Variants in SPTLC2 observed in about 807,000 individuals in gnomAD.
The protein encoded by SPTLC2 is serine palmitoyltransferase 2.
SPTLC2 carries 21 observed loss-of-function variants against 62.0 expected under a neutral mutation model. That is an observed-to-expected ratio of 0.34 (90% CI 0.24 to 0.49). SPTLC2 has a LOEUF of 0.49. Among genes scored for constraint, SPTLC2 ranks in the 20% least tolerant of loss-of-function variants. SPTLC2 has a pLI of 0.99. For missense variants in SPTLC2, 511 were observed against 713.0 expected (o/e 0.72, Z 3.23); for synonymous variants, 261 against 261.8 (o/e 1.00, Z 0.03).
intron 11 of SPTLC2, among the ~76,000 whole-genome samples, chr14:77,513,393 G>GA (rs2079342784): frequency 6.6e-6 from 1 of 152,056 alleles, no homozygotes; most frequent in South Asian, 2.1e-4. Context: ...TGTAGCACAA[G>GA]AAAAAATATT....
At chr14:77,596,011 G>A (rs891946892) in intron 2 of SPTLC2, among the ~76,000 whole-genome samples, 10 of 152,078 alleles carry the variant, frequency 6.6e-5, no homozygotes, top group Non-Finnish European at 1.2e-4. Context: ...TACAACTCCA[G>A]AAGTGAGCTT....
Position 77,557,055 on chromosome 14 carries a change from C to T in SPTLC2, c.942G>A (p.Val314=). The T allele has an allele frequency of 6.2e-7, 1 of 1,613,840 alleles. No homozygotes were observed. Among genetic ancestry groups the T allele is most frequent in the Non-Finnish European group, 8.5e-7 (1 of 1,179,896 alleles). ...AGCAGGATTACCTATATATTCCTTC[C>T]ACAAGGATGAGAATTTTCTTCCAGG... ...RRPWKKILIL[V]EGIYSMEGSI... Residue 314 remains valine, a synonymous_variant, in exon 7 of 12, where the codon GTG becomes GTA. Transcript: ENST00000216484.
In SPTLC2 at chr14:77,506,102, T is replaced by C. The variant is rs2079303555; in HGVS notation, c.*6182A>G. The C allele has an allele frequency of 6.6e-6, 1 of 152,082 alleles. No individual in the cohort carries two copies. Among genetic ancestry groups the C allele is most frequent in the Non-Finnish European group, 1.5e-5 (1 of 68,012 alleles). The allele number at this position is 152,082 out of a possible 1,614,324, so 9.4% of individuals were successfully genotyped here. A position where few individuals can be genotyped will look rare whatever the true frequency, so the allele number is the denominator to read the frequency against. ...CAGTTCTTAACATGCACTCTCAAAA[T>C]CAACACACCTACCCCAACCCAATAC... On this transcript the variant is annotated 3_prime_UTR_variant, in exon 12 of 12. Transcript: ENST00000216484.
chr14:77,530,953 A>G (rs1274671158), intron 9 of SPTLC2, among the ~76,000 whole-genome samples: 1 of 152,230 alleles, frequency 6.6e-6, no homozygotes, highest in Non-Finnish European at 1.5e-5. Flanking sequence ...GTTGAGACTC[A>G]TCTACCTACT....
chr14:77,556,197 C>A (rs1473558063), intron 7 of SPTLC2, among the ~76,000 whole-genome samples: 1 of 152,032 alleles, frequency 6.6e-6, no homozygotes, highest in Non-Finnish European at 1.5e-5. Flanking sequence ...GTGGCACACA[C>A]CTGTAATCCC....
At chr14:77,589,805 A>ACACG (rs1301474307) in intron 2 of SPTLC2, among the ~76,000 whole-genome samples, 7 of 151,474 alleles carry the variant, frequency 4.6e-5, no homozygotes, top group Non-Finnish European at 8.8e-5. Context: ...ACACACACAC[A>ACACG]CACACACACA....
chr14:77,593,082 G>A (rs1051373465), intron 2 of SPTLC2, among the ~76,000 whole-genome samples: 4 of 149,816 alleles, frequency 2.7e-5, no homozygotes, highest in African/African-American at 7.4e-5. Context: ...CAGCCTGGGC[G>A]ACAGAGTGAG....
chr14:77,525,019 A>G (rs1335053520), intron 9 of SPTLC2, among the ~76,000 whole-genome samples: 4 of 152,224 alleles, frequency 2.6e-5, no homozygotes, highest in Non-Finnish European at 5.9e-5. Flanking sequence ...ACACACAGAA[A>G]TGATAATGTT....
chr14:77,521,667 T>A, intron 9 of SPTLC2, 86 bp from the exon 10 acceptor site: 1 of 1,221,180 alleles, frequency 8.2e-7, no homozygotes, highest in South Asian at 1.2e-5. Context: ...ATCTCCATTC[T>A]ATCTAATCAG....
intron 5 of SPTLC2, among the ~76,000 whole-genome samples, chr14:77,567,113 G>A (rs1262455265): frequency 6.6e-6 from 1 of 152,042 alleles, no homozygotes; most frequent in Non-Finnish European, 1.5e-5. Flanking sequence ...TGGGACTACA[G>A]GCACCCGCCA....
rs997633104 is a variant in SPTLC2 at position 77,511,595 on chromosome 14, TCA to T, written c.*687_*688del. 3.2e-5 allele frequency: 5 copies of T among 155,024 alleles called. No individual in the cohort carries two copies. Among genetic ancestry groups the T allele is most frequent in the African/African-American group, 9.6e-5 (4 of 41,464 alleles). 9.6% of individuals were successfully genotyped at this position (155,024 alleles called of 1,614,324 possible). A position where few individuals can be genotyped will look rare whatever the true frequency, so the allele number is the denominator to read the frequency against. On this transcript the variant is annotated 3_prime_UTR_variant, in exon 12 of 12. Coordinates refer to ENST00000216484, the MANE Select transcript of SPTLC2 (RefSeq NM_004863.4). ...GAAGAACCAGAATTTGCGCACATCC[TCA>T]GACTGTGACCATTATGAAGAAGTAT...
At chr14:77,614,052 T>G (rs2079951833) in intron 1 of SPTLC2, among the ~76,000 whole-genome samples, 1 of 152,182 alleles carries the variant, frequency 6.6e-6, no homozygotes, top group South Asian at 2.1e-4. Flanking sequence ...CTCACAGCAT[T>G]CCAACAGACC....
At chr14:77,593,041 T>G (rs2079826930) in intron 2 of SPTLC2, among the ~76,000 whole-genome samples, 1 of 151,030 alleles carries the variant, frequency 6.6e-6, no homozygotes, top group Non-Finnish European at 1.5e-5. Flanking sequence ...AGGCGGAGAT[T>G]GCAGTGAGCC....
chr14:77,511,792 A>G lies in SPTLC2; in HGVS notation c.*492T>C, dbSNP rs1443309338. The G allele has an allele frequency of 1.1e-5, 2 of 190,390 alleles. No individual in the cohort carries two copies. The highest frequency in any genetic ancestry group is 2.4e-5 in the African/African-American group (1 of 42,496). 11.8% of individuals were successfully genotyped at this position (190,390 alleles called of 1,614,324 possible). A position where few individuals can be genotyped will look rare whatever the true frequency, so the allele number is the denominator to read the frequency against. ...TTCCGTTGATTACTTGAATGGTTAAATAAGGATTCCAAGGTTGGCCTTGAG... is the reference window on the plus strand; with the variant it reads ...TTCCGTTGATTACTTGAATGGTTAAGTAAGGATTCCAAGGTTGGCCTTGAG... On this transcript the variant is annotated 3_prime_UTR_variant, in exon 12 of 12. Transcript: ENST00000216484.
chr14:77,539,700 G>A (rs536711273), intron 9 of SPTLC2, among the ~76,000 whole-genome samples: 1 of 151,856 alleles, frequency 6.6e-6, no homozygotes, highest in East Asian at 2.0e-4. Flanking sequence ...ATGTTGGCCA[G>A]GCTGGTCTCA....
intron 9 of SPTLC2, among the ~76,000 whole-genome samples, chr14:77,540,694 C>T (rs867565219): frequency 1.3e-5 from 2 of 152,040 alleles, no homozygotes; most frequent in South Asian, 2.1e-4. Flanking sequence ...AGGCTGGTCT[C>T]GAACTCCTGA....
At chr14:77,528,221 A>G in intron 9 of SPTLC2, among the ~76,000 whole-genome samples, 1 of 150,258 alleles carries the variant, frequency 6.7e-6, no homozygotes, top group East Asian at 1.9e-4. Flanking sequence ...GAACTTCCCC[A>G]CCCCTCTTTT....
At chr14:77,520,199 A>G (rs2079379255) in intron 10 of SPTLC2, among the ~76,000 whole-genome samples, 1 of 152,150 alleles carries the variant, frequency 6.6e-6, no homozygotes, top group African/African-American at 2.4e-5. Context: ...ATGTTTGTTT[A>G]TGAGAATTCC....
chr14:77,590,573 G>A (rs1383815124), intron 2 of SPTLC2, among the ~76,000 whole-genome samples: 1 of 152,096 alleles, frequency 6.6e-6, no homozygotes, highest in African/African-American at 2.4e-5. Context: ...AAAATTAGGT[G>A]TGGTTGCACA....
Sources: gnomAD v4.1 joint callset for allele counts (sites outside exome capture counted in the v4.1 genomes callset) on GRCh38, gnomAD v4.1.1 for gene constraint, MANE v1.5 for transcripts, NCBI Gene and HGNC (gene_info 2026-07-23, HGNC 2026-07-21) for gene names.